Variants in SPATA6L observed in about 807,000 individuals in gnomAD.
SPATA6L encodes spermatogenesis associated 6 like.
SPATA6L carries 68 observed loss-of-function variants against 49.2 expected under a neutral mutation model. The ratio of observed to expected loss-of-function variants is 1.38; its 90% CI spans 1.14 to 1.69. The LOEUF (loss-of-function observed/expected upper bound fraction) is 1.69. Among genes scored for constraint, SPATA6L ranks in the 40% most tolerant of loss-of-function variants. SPATA6L has a pLI of 0.00. For missense variants in SPATA6L, 668 were observed against 464.3 expected, an observed-to-expected ratio of 1.44 and a Z score of -4.03; for synonymous variants, 198 against 165.7, an observed-to-expected ratio of 1.19 and a Z score of -1.50.
chr9:4,666,175 C>T (rs770687836), intron 1 of SPATA6L, 37 bp downstream of exon 1: 5 of 1,611,868 alleles, frequency 3.1e-6, no homozygotes, highest in Non-Finnish European at 4.2e-6. Flanking sequence ...TAGAGTCCGA[C>T]TTGAGGTTAA....
At chr9:4,589,666 A>T (rs1285411893) in intron 13 of SPATA6L, among the ~76,000 whole-genome samples, 1 of 152,208 alleles carries the variant, frequency 6.6e-6, no homozygotes, top group African/African-American at 2.4e-5. Flanking sequence ...TGAAGCTGAG[A>T]TGTACCTTCA....
intron 2 of SPATA6L, among the ~76,000 whole-genome samples, chr9:4,656,765 C>T (rs767805832): frequency 2.0e-5 from 3 of 152,168 alleles, no homozygotes; most frequent in Non-Finnish European, 2.9e-5. Context: ...CTTAAATCAA[C>T]CCCAGAGTGT....
At chr9:4,592,622 A>G (rs1821980678) in intron 13 of SPATA6L, among the ~76,000 whole-genome samples, 1 of 152,234 alleles carries the variant, frequency 6.6e-6, no homozygotes, top group South Asian at 2.1e-4. Context: ...TAGAATATCA[A>G]TTATAACTCA....
At chr9:4,651,755 T>C (rs904396388) in intron 3 of SPATA6L, among the ~76,000 whole-genome samples, 3 of 152,160 alleles carry the variant, frequency 2.0e-5, no homozygotes, top group Non-Finnish European at 4.4e-5. Flanking sequence ...TCAACATTAC[T>C]TCATGATAAA....
intron 5 of SPATA6L, chr9:4,627,328 T>C (rs1324482881): frequency 1.2e-5 from 2 of 160,448 alleles, no homozygotes; most frequent in East Asian, 3.8e-4. Context: ...AAGGCAAAAC[T>C]AAAAAGCAGA....
At chr9:4,627,760 G>C in intron 5 of SPATA6L, 4 of 1,289,284 alleles carry the variant, frequency 3.1e-6, no homozygotes, top group Non-Finnish European at 4.0e-6. Context: ...TACCAAAGAC[G>C]GACCATGAAT....
chr9:4,659,483 C>T (rs772820241), intron 2 of SPATA6L, among the ~76,000 whole-genome samples: 25 of 151,604 alleles, frequency 1.6e-4, no homozygotes, highest in Non-Finnish European at 2.8e-4. Flanking sequence ...TGTGAAGGAC[C>T]TCTTCAAGGA....
At chr9:4,611,704 C>T (rs570196958) in intron 9 of SPATA6L, among the ~76,000 whole-genome samples, 6 of 150,288 alleles carry the variant, frequency 4.0e-5, no homozygotes, top group East Asian at 2.0e-4. Context: ...TGCTAGATGA[C>T]GAGTTAGTGG....
In SPATA6L at chr9:4,618,527, A is replaced by G. The variant is rs114401281; in HGVS notation, c.807+337T>C. On this transcript the variant is annotated intron_variant, in intron 8 of 11. Coordinates refer to ENST00000682582, the MANE Select transcript of SPATA6L (RefSeq NM_001353486.2). ...GAAGTTTGAGCCTTCACTTTGACAA[A>G]CCAATCAAACTTCAAGAACAAGTGA... Among the ~76,000 whole-genome samples, 842 of 152,244 alleles carry G rather than the reference A, an allele frequency of 5.5e-3. 13 individuals carry two copies. Among genetic ancestry groups the G allele is most frequent in the African/African-American group, 0.019 (807 of 41,528 alleles).
At chr9:4,604,956 C>T (rs543102088) in intron 10 of SPATA6L, among the ~76,000 whole-genome samples, 41 of 152,332 alleles carry the variant, frequency 2.7e-4, no homozygotes, top group Non-Finnish European at 4.0e-4. Flanking sequence ...TGTGGCCTTA[C>T]ATAGCTCACA....
rs10974699 is a variant in SPATA6L at position 4,640,579 on chromosome 9, A to T, written c.227-5180T>A. Among the ~76,000 whole-genome samples the T allele has an allele frequency of 5.9e-3, 901 of 151,934 alleles. 9 individuals carry two copies. The highest frequency in any genetic ancestry group is 0.02 in the African/African-American group (838 of 41,456). On this transcript the variant is annotated intron_variant, in intron 3 of 11. Transcript: ENST00000682582. ...CAGGAAACTTTAAGAAAAAAAAAAA[A>T]TTTTTGCTAGTATCAAGGATCAGCA...
chr9:4,635,493 T>G lies in SPATA6L; in HGVS notation c.227-94A>C. The G allele has an allele frequency of 3.1e-6, 4 of 1,290,684 alleles. 1 individual carries two copies. The highest frequency in any genetic ancestry group is 5.7e-5 in the East Asian group (2 of 35,166). 80.0% of individuals were successfully genotyped at this position (1,290,684 alleles called of 1,614,324 possible). A position where few individuals can be genotyped will look rare whatever the true frequency, so the allele number is the denominator to read the frequency against. On this transcript the variant is annotated intron_variant, in intron 3 of 11. Transcript: ENST00000682582. ...AGGCAGATGATGGCAGAGATGGCACTCAGGTAAAAATAGACATATTGATCC... is the reference window on the plus strand; with the variant it reads ...AGGCAGATGATGGCAGAGATGGCACGCAGGTAAAAATAGACATATTGATCC...
At chr9:4,654,141 C>G (rs935255187) in intron 3 of SPATA6L, among the ~76,000 whole-genome samples, 1 of 152,200 alleles carries the variant, frequency 6.6e-6, no homozygotes, top group Non-Finnish European at 1.5e-5. Flanking sequence ...ATCAAAATGA[C>G]AGACAATAAC....
At chr9:4,593,729 T>A (rs1041802629), downstream of SPATA6L, among the ~76,000 whole-genome samples, 4 of 152,204 alleles carry the variant, frequency 2.6e-5, no homozygotes, top group Non-Finnish European at 5.9e-5. Flanking sequence ...CACTGTTGAT[T>A]AGCTTTATAT....
At chr9:4,593,278 C>A (rs1042569699) in intron 13 of SPATA6L, among the ~76,000 whole-genome samples, 7 of 152,142 alleles carry the variant, frequency 4.6e-5, no homozygotes, top group African/African-American at 1.7e-4. Context: ...CAAATTTGCT[C>A]CTTCAAATTG....
At chr9:4,637,340 C>G (rs1833008767) in intron 3 of SPATA6L, among the ~76,000 whole-genome samples, 1 of 152,158 alleles carries the variant, frequency 6.6e-6, no homozygotes. Context: ...AAGGTGGCAA[C>G]CCAACCTAAC....
intron 1 of SPATA6L, among the ~76,000 whole-genome samples, chr9:4,665,781 C>CACTAAGGGG (rs1840769921): frequency 1.3e-5 from 2 of 152,104 alleles, no homozygotes; most frequent in South Asian, 4.1e-4. Flanking sequence ...GGGGAAATAT[C>CACTAAGGGG]ATAGAAAATA....
chr9:4,629,967 G>T (rs762104290), intron 4 of SPATA6L, among the ~76,000 whole-genome samples: 2 of 151,768 alleles, frequency 1.3e-5, no homozygotes, highest in East Asian at 1.9e-4. Context: ...GAAACTACTC[G>T]GTAATAACAA....
At chr9:4,649,665 T>A (rs779121350) in intron 3 of SPATA6L, among the ~76,000 whole-genome samples, 1 of 152,222 alleles carries the variant, frequency 6.6e-6, no homozygotes. Context: ...AGCGAGTTAA[T>A]TAGGATGCTT....
Sources: gnomAD v4.1 joint callset for allele counts (sites outside exome capture counted in the v4.1 genomes callset) on GRCh38, gnomAD v4.1.1 for gene constraint, MANE v1.5 for transcripts, NCBI Gene and HGNC (gene_info 2026-07-23, HGNC 2026-07-21) for gene names.